The following MMEL1 variants were observed in gnomAD, a reference collection of about 807,000 sequenced individuals.
MMEL1 encodes the protein membrane metalloendopeptidase like 1.
In MMEL1, 98 loss-of-function variants were observed where a neutral mutation model predicts 117.1. The ratio of observed to expected loss-of-function variants is 0.84; its 90% CI spans 0.71 to 0.99. MMEL1 has a LOEUF of 0.99. Ranked by LOEUF, MMEL1 falls within the 50% of genes least tolerant of loss-of-function variation. The pLI, the probability that MMEL1 is intolerant of heterozygous loss-of-function variation, is 0.00. For synonymous variants in MMEL1, 390 were observed against 415.1 expected (o/e 0.94, Z 0.74); for missense variants, 1,014 against 1,049.1 (o/e 0.97, Z 0.46).
chr1:2,604,109 ACTCGCTGCCCG>A lies in MMEL1; in HGVS notation c.951+27_951+37del, dbSNP rs760088098. 5.1e-6 allele frequency: 8 copies of A among 1,562,232 alleles called. No individual in the cohort carries two copies. In the South Asian group the frequency reaches 8.1e-5, roughly 16 times the overall value. On this transcript the variant is annotated intron_variant, in intron 10 of 23. Transcript: ENST00000378412. ...CCACACCGCCTGGGGCTCCCAGCCC[ACTCGCTGCCCG>A]CTCCCCACCCGCCCCGGCCCCCTTA...
intron 6 of MMEL1, among the ~76,000 whole-genome samples, chr1:2,608,903 G>A (rs1274855080): frequency 1.4e-5 from 1 of 71,942 alleles, no homozygotes; most frequent in Non-Finnish European, 2.4e-5. Flanking sequence ...ATACATGCAT[G>A]AACACATATA....
intron 14 of MMEL1, 138 bp downstream of exon 14, chr1:2,596,423 C>G: frequency 3.1e-6 from 4 of 1,272,550 alleles, no homozygotes; most frequent in Non-Finnish European, 4.3e-6. Flanking sequence ...GTGGGCACGG[C>G]TTCCCTTAGC....
At position 2,598,307 on chromosome 1, in the gene MMEL1, G is replaced by A. The variant is rs759000769; in HGVS notation, c.1179-7C>T. 1 of 1,613,572 alleles carries A rather than the reference G, an allele frequency of 6.2e-7. No individual in the cohort carries two copies. Among genetic ancestry groups the A allele is most frequent in the East Asian group, 2.2e-5 (1 of 44,890 alleles). ...CAGGTAGTTCTGTATGGTCCTGGGGGCAGAAGGTAGAGGGTGAGGGGAGAA... is the reference window on the plus strand; with the variant it reads ...CAGGTAGTTCTGTATGGTCCTGGGGACAGAAGGTAGAGGGTGAGGGGAGAA... On this transcript the variant is annotated splice_polypyrimidine_tract_variant and splice_region_variant and intron_variant, in intron 12 of 23. Transcript: ENST00000378412.
intron 1 of MMEL1, 72 bp downstream of exon 1, chr1:2,632,794 C>G (rs1302693242): frequency 1.1e-6 from 1 of 929,908 alleles, no homozygotes; most frequent in Non-Finnish European, 1.3e-6. Flanking sequence ...GTTTCAAGGC[C>G]CAGGAGAGGG....
intron 1 of MMEL1, among the ~76,000 whole-genome samples, chr1:2,630,935 G>A (rs541730533): frequency 1.8e-4 from 28 of 151,554 alleles, no homozygotes; most frequent in African/African-American, 5.6e-4. Flanking sequence ...GATTGTGTGC[G>A]TGGATATGCA....
chr1:2,629,634 A>C, intron 1 of MMEL1, 113 bp from the exon 2 acceptor site: 1 of 910,932 alleles, frequency 1.1e-6, no homozygotes, highest in Non-Finnish European at 1.5e-6. Context: ...CCTTTGGAAC[A>C]CTCTTCCCGT....
chr1:2,599,703 C>G (rs1644900906), intron 11 of MMEL1, among the ~76,000 whole-genome samples: 1 of 151,984 alleles, frequency 6.6e-6, no homozygotes, highest in African/African-American at 2.4e-5. Context: ...ACTAAAAATG[C>G]AAAAATTAGC....
At chr1:2,596,256 G>A (rs980406368) in intron 14 of MMEL1, 149 bp from the exon 15 acceptor site, 15 of 777,280 alleles carry the variant, frequency 1.9e-5, no homozygotes, top group Admixed American at 2.5e-5. Flanking sequence ...GTGTGGGGCC[G>A]GTGGGGGGAT....
intron 1 of MMEL1, among the ~76,000 whole-genome samples, chr1:2,630,777 C>T (rs1429968208): frequency 7.9e-5 from 9 of 113,642 alleles, no homozygotes; most frequent in East Asian, 2.7e-4. Context: ...TGGATATGCA[C>T]GTGTGTGCCT....
intron 23 of MMEL1, 133 bp downstream of exon 23, chr1:2,591,424 C>A (rs1352136707): frequency 1.3e-6 from 1 of 749,202 alleles, no homozygotes; most frequent in Non-Finnish European, 2.3e-6. Flanking sequence ...GGCCAGAAGC[C>A]CCTCTCAGGT....
At chr1:2,629,228 G>A (rs1638417826) in intron 2 of MMEL1, 103 bp downstream of exon 2, 2 of 1,291,434 alleles carry the variant, frequency 1.5e-6, no homozygotes, top group East Asian at 2.8e-5. Context: ...CCCATCTGAC[G>A]GGCGGGCTCG....
chr1:2,596,300 T>G (rs1385614002), intron 14 of MMEL1, among the ~76,000 whole-genome samples, 193 bp from the exon 15 acceptor site: 2 of 152,104 alleles, frequency 1.3e-5, no homozygotes, highest in Non-Finnish European at 2.9e-5. Flanking sequence ...TCCTCCCTGC[T>G]GGGCTGTGGG....
rs768821122 is a variant in MMEL1, at chr1:2,604,352, G to A, written c.817-71C>T. ...TGGCCCCCAGGGAGTTTTCTGTGGG[G>A]GTGGGGTGGGCGTAGGACATGGGGA... On this transcript the variant is annotated intron_variant, in intron 9 of 23. Coordinates refer to ENST00000378412, the MANE Select transcript of MMEL1 (RefSeq NM_033467.4). 5.9e-5 allele frequency: 94 copies of A among 1,582,954 alleles called. No individual in the cohort carries two copies. In the Middle Eastern group the frequency reaches 1.2e-3, roughly 20 times the overall value.
intron 2 of MMEL1, among the ~76,000 whole-genome samples, chr1:2,623,725 C>T (rs1386845174): frequency 3.3e-5 from 5 of 152,194 alleles, no homozygotes; most frequent in Admixed American, 6.5e-5. Context: ...AAGGCTGGGG[C>T]AGGTCTCAGA....
chr1:2,598,443 A>G, intron 12 of MMEL1, 143 bp from the exon 13 acceptor site: 2 of 1,168,744 alleles, frequency 1.7e-6, no homozygotes, highest in Non-Finnish European at 2.4e-6. Flanking sequence ...AACCACCTCC[A>G]AGATCCAGCC....
intron 9 of MMEL1, among the ~76,000 whole-genome samples, chr1:2,605,294 G>A (rs1214270815): frequency 6.6e-6 from 1 of 152,196 alleles, no homozygotes; most frequent in Non-Finnish European, 1.5e-5. Flanking sequence ...GACGGGAGGG[G>A]GATGACAGTT....
intron 13 of MMEL1, among the ~76,000 whole-genome samples, chr1:2,597,753 A>G (rs2764842): frequency 0.58 from 88,445 of 151,998 alleles, 26,814 homozygotes; most frequent in Non-Finnish European, 0.68. Flanking sequence ...GCTTTCAGAC[A>G]GGGAGTACAA....
At position 2,632,968 on chromosome 1, in the gene MMEL1, A is replaced by AGGGACTGGGAT. The variant is rs1553147933; in HGVS notation, c.-151_-141dup. On this transcript the variant is annotated 5_prime_UTR_variant, in exon 1 of 24. Transcript: ENST00000378412. The stretch of plus-strand genomic sequence containing the variant: ...AGCTGGGCCAAGTGGGTGGATTTCC[A>AGGGACTGGGAT]GGGACTGGGATGGGAGAGCAGTGGC... 9.1e-5 allele frequency: 90 copies of AGGGACTGGGAT among 985,710 alleles called. 1 individual carries two copies. Among genetic ancestry groups the AGGGACTGGGAT allele is most frequent in the Non-Finnish European group, 1.1e-4 (90 of 830,230 alleles). The allele number at this position is 985,710 out of a possible 1,614,324, so 61.1% of individuals were successfully genotyped here. A position where few individuals can be genotyped will look rare whatever the true frequency, so the allele number is the denominator to read the frequency against.
Position 2,596,678 on chromosome 1 carries a change from G to A in MMEL1, c.1284C>T (p.Gly428=). Residue 428 remains glycine, a synonymous_variant, in exon 14 of 24, where the codon GGC becomes GGT. Transcript: ENST00000378412. ...TRVNYRKALF[G]TMVEEVRWRE... ...GCCAGCGCACCTCCTCCACCATTGT[G>A]CCAAACAGCGCCTGGTGGGGCCACC... 6.2e-7 allele frequency: 1 copy of A among 1,612,638 alleles called. No individual in the cohort carries two copies. Among genetic ancestry groups the A allele is most frequent in the Non-Finnish European group, 8.5e-7 (1 of 1,179,796 alleles).
Sources: gnomAD v4.1 joint callset for allele counts (sites outside exome capture counted in the v4.1 genomes callset) on GRCh38, gnomAD v4.1.1 for gene constraint, MANE v1.5 for transcripts, NCBI Gene and HGNC (gene_info 2026-07-23, HGNC 2026-07-21) for gene names.